Variants in RBFOX1 observed in about 807,000 individuals in gnomAD.
RBFOX1 encodes the protein RNA binding protein fox-1 homolog 1.
Under a neutral mutation model 57.7 loss-of-function variants are expected in RBFOX1, and 8 were observed. The observed-to-expected ratio is 0.14, with a 90% CI of 0.08 to 0.25. RBFOX1 has a LOEUF of 0.25. Among genes scored for constraint, RBFOX1 ranks in the 10% least tolerant of loss-of-function variants. The pLI, the probability that RBFOX1 is intolerant of heterozygous loss-of-function variation, is 1.00. For missense variants in RBFOX1, 611 were observed against 548.5 expected, an observed-to-expected ratio of 1.11 and a Z score of -1.14; for synonymous variants, 326 against 222.4, an observed-to-expected ratio of 1.47 and a Z score of -4.15.
chr16:6,494,949 C>A (rs114408323), intron 2 of RBFOX1, among the ~76,000 whole-genome samples: 214 of 152,244 alleles, frequency 1.4e-3, no homozygotes, highest in African/African-American at 4.9e-3. Flanking sequence ...CTCAGAGCAG[C>A]CTTATGAAGT....
chr16:5,466,441 T>G (rs2068955624), intron 1 of RBFOX1, among the ~76,000 whole-genome samples: 1 of 151,990 alleles, frequency 6.6e-6, no homozygotes, highest in Non-Finnish European at 1.5e-5. Flanking sequence ...TTTCAGAGCC[T>G]GGTGGGGGCA....
At chr16:5,790,871 T>G (rs1344753474) in intron 3 of RBFOX1, among the ~76,000 whole-genome samples, 1 of 132,138 alleles carries the variant, frequency 7.6e-6, no homozygotes, top group South Asian at 2.5e-4. Flanking sequence ...TTTTTTTTTT[T>G]TTGTTTTTTT....
At chr16:6,894,188 A>C (rs7191719) in intron 3 of RBFOX1, among the ~76,000 whole-genome samples, 108,649 of 152,074 alleles carry the variant, frequency 0.71, 39,025 homozygotes, top group East Asian at 0.92. Context: ...TGTCCTTTTT[A>C]TTCAAAGTAA....
At position 6,639,274 on chromosome 16, in the gene RBFOX1, T is replaced by A. The variant is rs777215489; in HGVS notation, c.-63-15329T>A. Among the ~76,000 whole-genome samples the A allele has an allele frequency of 1.2e-4, 19 of 152,212 alleles. 1 individual carries two copies. Among genetic ancestry groups the A allele is most frequent in the Non-Finnish European group, 2.1e-4 (14 of 68,040 alleles). ...GGAATCTGATGTCTTTCTGTCTATCTGATTCCTAAGAGGAAGTGAAATATT... is the reference window on the plus strand; with the variant it reads ...GGAATCTGATGTCTTTCTGTCTATCAGATTCCTAAGAGGAAGTGAAATATT... On this transcript the variant is annotated intron_variant, in intron 2 of 15. Transcript: ENST00000550418.
At chr16:6,688,248 A>C (rs924373474) in intron 3 of RBFOX1, among the ~76,000 whole-genome samples, 2 of 151,988 alleles carry the variant, frequency 1.3e-5, no homozygotes, top group African/African-American at 4.8e-5. Flanking sequence ...AGATGGCAGG[A>C]GGTGCTACAC....
At chr16:7,328,955 T>C (rs1211815690) in intron 4 of RBFOX1, among the ~76,000 whole-genome samples, 1 of 152,188 alleles carries the variant, frequency 6.6e-6, no homozygotes, top group African/African-American at 2.4e-5. Flanking sequence ...CATTTATAAC[T>C]GGCTGGAAAC....
intron 3 of RBFOX1, among the ~76,000 whole-genome samples, chr16:6,872,322 C>G (rs934903599): frequency 6.6e-6 from 1 of 152,124 alleles, no homozygotes; most frequent in East Asian, 1.9e-4. Context: ...GTCTCCCTCT[C>G]TTCCTTCCTC....
chr16:5,257,187 A>C (rs1313251420), intron 1 of RBFOX1, among the ~76,000 whole-genome samples: 2 of 150,738 alleles, frequency 1.3e-5, no homozygotes, highest in East Asian at 1.9e-4. Flanking sequence ...TCAAAAAAAA[A>C]CAGCCCTGAC....
chr16:6,240,349 C>T lies in RBFOX1; in HGVS notation c.-126-76646C>T, dbSNP rs113067809. Among the ~76,000 whole-genome samples the T allele has an allele frequency of 4.8e-3, 736 of 152,236 alleles. 13 individuals carry two copies. The highest frequency in any genetic ancestry group is 0.016 in the African/African-American group (684 of 41,532). On this transcript the variant is annotated intron_variant, in intron 1 of 15. Transcript: ENST00000550418. ...CTCCAAGGTTATTGAGGTAGTTCTT[C>T]AGCTTATCTTAAAGTAACTGTTGGC...
chr16:6,874,361 T>G (rs981587609), intron 3 of RBFOX1, among the ~76,000 whole-genome samples: 1 of 151,834 alleles, frequency 6.6e-6, no homozygotes, highest in African/African-American at 2.4e-5. Flanking sequence ...AAATACAAAA[T>G]TAGCCAGGCA....
chr16:6,866,410 C>T (rs2059914632), intron 3 of RBFOX1, among the ~76,000 whole-genome samples: 1 of 151,900 alleles, frequency 6.6e-6, no homozygotes, highest in African/African-American at 2.4e-5. Flanking sequence ...CCTTATCCAT[C>T]ATCTCCATGA....
intron 4 of RBFOX1, among the ~76,000 whole-genome samples, chr16:7,244,514 G>T (rs1046655978): frequency 6.6e-6 from 1 of 152,058 alleles, no homozygotes; most frequent in Non-Finnish European, 1.5e-5. Context: ...TGTATTTTTG[G>T]CATGCTTCCA....
chr16:5,560,605 T>G (rs1391874976), intron 2 of RBFOX1, among the ~76,000 whole-genome samples: 1 of 152,238 alleles, frequency 6.6e-6, no homozygotes, highest in Non-Finnish European at 1.5e-5. Context: ...TTGGTGGGTG[T>G]GCAGTATGTA....
intron 3 of RBFOX1, among the ~76,000 whole-genome samples, chr16:6,675,060 C>G (rs554451513): frequency 6.6e-6 from 1 of 152,162 alleles, no homozygotes; most frequent in East Asian, 1.9e-4. Context: ...TATGTGCCAC[C>G]ACACCCACTA....
intron 1 of RBFOX1, among the ~76,000 whole-genome samples, chr16:5,383,924 G>A (rs1419276176): frequency 6.6e-6 from 1 of 152,164 alleles, no homozygotes; most frequent in Non-Finnish European, 1.5e-5. Flanking sequence ...AGTGTCATCA[G>A]GACTCAGGTT....
chr16:5,454,849 C>CTCT (rs2068541857), intron 1 of RBFOX1, among the ~76,000 whole-genome samples: 2 of 104,232 alleles, frequency 1.9e-5, no homozygotes, highest in African/African-American at 7.3e-5. Flanking sequence ...TCCTTTCTTT[C>CTCT]TTTCTTTTCT....
intron 4 of RBFOX1, among the ~76,000 whole-genome samples, chr16:7,054,712 C>G (rs1041896512): frequency 2.0e-5 from 3 of 152,178 alleles, no homozygotes; most frequent in African/African-American, 7.2e-5. Context: ...GGGTAACTGT[C>G]TGCAAGCCAC....
At chr16:7,664,675 G>C in intron 12 of RBFOX1, 1 of 561,080 alleles carries the variant, frequency 1.8e-6, no homozygotes, top group South Asian at 2.4e-5. Flanking sequence ...ACTCCTGAGA[G>C]AGTGGGAAGT....
chr16:6,825,716 A>G (rs1184266455), intron 3 of RBFOX1, among the ~76,000 whole-genome samples: 1 of 152,108 alleles, frequency 6.6e-6, no homozygotes, highest in Non-Finnish European at 1.5e-5. Context: ...TGAAGAGGAA[A>G]GGGAGGGAGG....
Sources: gnomAD v4.1 joint callset for allele counts (sites outside exome capture counted in the v4.1 genomes callset) on GRCh38, gnomAD v4.1.1 for gene constraint, MANE v1.5 for transcripts, NCBI Gene and HGNC (gene_info 2026-07-23, HGNC 2026-07-21) for gene names.